Variants in ASIC2 observed in about 807,000 individuals in gnomAD.
The protein encoded by ASIC2 is acid sensing ion channel subunit 2.
Under a neutral mutation model 57.3 loss-of-function variants are expected in ASIC2, and 25 were observed. The ratio of observed to expected loss-of-function variants is 0.44; its 90% CI spans 0.32 to 0.61. The LOEUF is 0.61. Ranked by LOEUF, ASIC2 falls within the 20% of genes least tolerant of loss-of-function variation. The pLI is 0.06. For missense variants in ASIC2, 641 were observed against 738.1 expected (o/e 0.87, Z 1.52); for synonymous variants, 319 against 307.5 (o/e 1.04, Z -0.39).
chr17:34,113,085 A>G (rs1435964518), intron 1 of ASIC2, among the ~76,000 whole-genome samples: 4 of 152,124 alleles, frequency 2.6e-5, no homozygotes, highest in African/African-American at 9.7e-5. Context: ...TCACTGTGGA[A>G]TCTTCATCTG....
intron 1 of ASIC2, among the ~76,000 whole-genome samples, chr17:34,100,587 A>T (rs1267537054): frequency 6.6e-6 from 1 of 151,652 alleles, no homozygotes; most frequent in Non-Finnish European, 1.5e-5. Context: ...CTTTGAAGAG[A>T]CACCTCAATG....
intron 1 of ASIC2, among the ~76,000 whole-genome samples, chr17:33,867,703 C>A (rs111774871): frequency 2.0e-5 from 3 of 152,190 alleles, no homozygotes; most frequent in African/African-American, 7.2e-5. Flanking sequence ...TGGAGCCCCA[C>A]GAAGAGGCCT....
At chr17:33,352,796 TC>T (rs1187963822) in intron 1 of ASIC2, among the ~76,000 whole-genome samples, 1 of 152,136 alleles carries the variant, frequency 6.6e-6, no homozygotes, top group Non-Finnish European at 1.5e-5. Flanking sequence ...TCAGGCTCCA[TC>T]CTGTGCAGTT....
At chr17:33,565,257 C>T (rs1358976288) in intron 1 of ASIC2, among the ~76,000 whole-genome samples, 1 of 152,214 alleles carries the variant, frequency 6.6e-6, no homozygotes, top group Non-Finnish European at 1.5e-5. Context: ...ACTCTGTCGG[C>T]TGGGAACTTC....
chr17:33,871,173 A>T (rs1027286453), intron 1 of ASIC2, among the ~76,000 whole-genome samples: 3 of 152,166 alleles, frequency 2.0e-5, no homozygotes, highest in Non-Finnish European at 2.9e-5. Flanking sequence ...GATTCCTTCT[A>T]GTTCCTGTGC....
At chr17:33,509,677 T>A (rs1567634771) in intron 1 of ASIC2, among the ~76,000 whole-genome samples, 1 of 152,160 alleles carries the variant, frequency 6.6e-6, no homozygotes, top group Non-Finnish European at 1.5e-5. Flanking sequence ...AGACTTAAGG[T>A]GATGTAGCCT....
At chr17:33,704,278 T>A (rs749539414) in intron 1 of ASIC2, among the ~76,000 whole-genome samples, 2 of 152,192 alleles carry the variant, frequency 1.3e-5, no homozygotes, top group Non-Finnish European at 2.9e-5. Context: ...GGGTGGAGAT[T>A]CAAGATGCTA....
intron 1 of ASIC2, among the ~76,000 whole-genome samples, chr17:33,192,197 A>G (rs1906447236): frequency 6.6e-6 from 1 of 152,174 alleles, no homozygotes; most frequent in East Asian, 1.9e-4. Flanking sequence ...CCTGGTCAAC[A>G]TGGTGAAACC....
chr17:34,042,253 C>T (rs1567798338), intron 1 of ASIC2, among the ~76,000 whole-genome samples: 1 of 152,050 alleles, frequency 6.6e-6, no homozygotes, highest in Non-Finnish European at 1.5e-5. Flanking sequence ...AAGCATATGT[C>T]CCCCCAAAAC....
intron 1 of ASIC2, among the ~76,000 whole-genome samples, chr17:33,122,527 G>C (rs1412508891): frequency 1.3e-5 from 2 of 151,896 alleles, no homozygotes; most frequent in South Asian, 2.1e-4. Context: ...GATGTTTTTT[G>C]GTTTTGTTTT....
chr17:33,049,688 A>G (rs1567726765), intron 3 of ASIC2, among the ~76,000 whole-genome samples: 1 of 152,178 alleles, frequency 6.6e-6, no homozygotes, highest in Non-Finnish European at 1.5e-5. Context: ...AATGCTGTTG[A>G]GCCTCGGTTT....
intron 1 of ASIC2, among the ~76,000 whole-genome samples, chr17:33,452,430 C>T (rs1422693148): frequency 6.6e-6 from 1 of 152,194 alleles, no homozygotes; most frequent in Non-Finnish European, 1.5e-5. Flanking sequence ...AGGCCTCATG[C>T]CTCCACCTTC....
At chr17:33,363,051 A>G (rs912734237) in intron 1 of ASIC2, among the ~76,000 whole-genome samples, 1 of 152,354 alleles carries the variant, frequency 6.6e-6, no homozygotes, top group Admixed American at 6.5e-5. Context: ...TAAAATTGGC[A>G]GTTGCCTAAT....
intron 1 of ASIC2, among the ~76,000 whole-genome samples, chr17:33,171,622 C>T (rs2142049221): frequency 6.6e-6 from 1 of 152,354 alleles, no homozygotes; most frequent in Non-Finnish European, 1.5e-5. Context: ...CTCTGGCCTA[C>T]CTCCAATGTG....
intron 1 of ASIC2, among the ~76,000 whole-genome samples, chr17:34,053,943 C>T (rs1407237291): frequency 6.6e-6 from 1 of 152,202 alleles, no homozygotes; most frequent in Non-Finnish European, 1.5e-5. Flanking sequence ...CCTATAAGAC[C>T]TCCATTCTGT....
chr17:33,038,532 A>G (rs1361625350), intron 3 of ASIC2, among the ~76,000 whole-genome samples: 1 of 152,160 alleles, frequency 6.6e-6, no homozygotes, highest in Non-Finnish European at 1.5e-5. Context: ...GAGATCGAGG[A>G]GAGACACCCA....
intron 1 of ASIC2, among the ~76,000 whole-genome samples, chr17:33,813,561 T>A (rs983835230): frequency 6.6e-6 from 1 of 151,936 alleles, no homozygotes; most frequent in East Asian, 1.9e-4. Context: ...CTCAGCCTCC[T>A]GAGTAGCTGG....
At chr17:33,277,715 T>A (rs529692925) in intron 1 of ASIC2, among the ~76,000 whole-genome samples, 3 of 152,306 alleles carry the variant, frequency 2.0e-5, no homozygotes, top group Non-Finnish European at 4.4e-5. Context: ...GCTCAGTCAG[T>A]CTCACCGAGC....
At chr17:33,313,831 G>A (rs1451847549) in intron 1 of ASIC2, among the ~76,000 whole-genome samples, 2 of 152,088 alleles carry the variant, frequency 1.3e-5, no homozygotes, top group African/African-American at 2.4e-5. Context: ...ATAGCTAAGT[G>A]AGGAAGGGCC....
Sources: gnomAD v4.1 joint callset for allele counts (sites outside exome capture counted in the v4.1 genomes callset) on GRCh38, gnomAD v4.1.1 for gene constraint, MANE v1.5 for transcripts, NCBI Gene and HGNC (gene_info 2026-07-23, HGNC 2026-07-21) for gene names.